Variants in ADGRL2 observed in about 807,000 individuals in gnomAD.
The protein encoded by ADGRL2 is adhesion G protein-coupled receptor L2, also known as calcium-independent alpha-latrotoxin receptor 2.
In ADGRL2, 44 loss-of-function variants were observed where a neutral mutation model predicts 157.4. The observed-to-expected ratio is 0.28, with a 90% CI of 0.22 to 0.36. The LOEUF is 0.36. ADGRL2 is among the 10% of genes least tolerant of loss of function. The pLI, the probability that ADGRL2 is intolerant of heterozygous loss-of-function variation, is 1.00. For missense variants in ADGRL2, 1,510 were observed against 1,768.9 expected (o/e 0.85, Z 2.63); for synonymous variants, 585 against 624.7 (o/e 0.94, Z 0.95).
At chr1:81,597,436 TA>T (rs2081257293) in intron 3 of ADGRL2, among the ~76,000 whole-genome samples, 1 of 152,188 alleles carries the variant, frequency 6.6e-6, no homozygotes, top group Non-Finnish European at 1.5e-5. Flanking sequence ...AATTAAAGTT[TA>T]AAAAACACAA....
chr1:81,424,310 G>A (rs532587027), intron 1 of ADGRL2, among the ~76,000 whole-genome samples: 12 of 152,180 alleles, frequency 7.9e-5, no homozygotes, highest in African/African-American at 1.4e-4. Flanking sequence ...GTGCACAGCC[G>A]TCAGACACAG....
intron 2 of ADGRL2, among the ~76,000 whole-genome samples, chr1:81,889,162 G>A (rs1278608760): frequency 2.0e-5 from 3 of 152,120 alleles, no homozygotes; most frequent in Admixed American, 2.0e-4. Context: ...ATGAAAAGTT[G>A]CACATTTCTT....
At chr1:81,980,494 A>G (rs1482083402) in intron 18 of ADGRL2, among the ~76,000 whole-genome samples, 2 of 151,814 alleles carry the variant, frequency 1.3e-5, no homozygotes, top group African/African-American at 4.8e-5. Context: ...AACAAATGAT[A>G]GCTGTTGTTC....
chr1:81,570,934 A>G (rs1213821309), intron 2 of ADGRL2, among the ~76,000 whole-genome samples: 1 of 152,180 alleles, frequency 6.6e-6, no homozygotes, highest in African/African-American at 2.4e-5. Flanking sequence ...CCCTGTTGCA[A>G]CTACCTAACT....
At chr1:81,309,786 G>C (rs1659613610) in intron 1 of ADGRL2, among the ~76,000 whole-genome samples, 1 of 152,074 alleles carries the variant, frequency 6.6e-6, no homozygotes, top group Non-Finnish European at 1.5e-5. Flanking sequence ...CCTTTGAAGA[G>C]CCACCACTCC....
chr1:81,960,921 A>G (rs1448982351), intron 11 of ADGRL2, among the ~76,000 whole-genome samples: 1 of 152,178 alleles, frequency 6.6e-6, no homozygotes, highest in East Asian at 1.9e-4. Flanking sequence ...TTGAGGCTGG[A>G]CTTCAGCTCT....
intron 1 of ADGRL2, among the ~76,000 whole-genome samples, chr1:81,828,711 A>G (rs192584181): frequency 2.0e-5 from 3 of 152,268 alleles, no homozygotes; most frequent in African/African-American, 7.2e-5. Flanking sequence ...GCTCTTTTCT[A>G]AAAACCACAT....
At chr1:81,468,575 T>C (rs531099641) in intron 2 of ADGRL2, among the ~76,000 whole-genome samples, 3 of 152,302 alleles carry the variant, frequency 2.0e-5, no homozygotes, top group Admixed American at 1.3e-4. Context: ...AAACGTATTA[T>C]TTGAAGTCAC....
upstream of ADGRL2, among the ~76,000 whole-genome samples, chr1:81,697,433 C>T (rs545026328): frequency 2.3e-3 from 356 of 152,246 alleles, no homozygotes; most frequent in Admixed American, 3.7e-3. Flanking sequence ...GTCTCTGAGA[C>T]ATGCACTAGC....
Position 81,763,497 on chromosome 1 carries a change from G to A in ADGRL2, c.-101+1645G>A, listed in dbSNP as rs191994382. On this transcript the variant is annotated intron_variant, in intron 2 of 20. Coordinates refer to the ADGRL2 transcript ENST00000359929. ...CCAGCTACTTGGGAGGCTGAGGCAA[G>A]ACAATCGTTTGAACCCAGGAGGCGG... Among the ~76,000 whole-genome samples the A allele has an allele frequency of 3.2e-3, 481 of 149,736 alleles. 2 individuals are homozygous for A. The highest frequency in any genetic ancestry group is 0.011 in the African/African-American group (461 of 40,778).
At position 81,891,206 on chromosome 1, in the gene ADGRL2, T is replaced by G. The variant is rs372225295; in HGVS notation, c.74-15811T>G. Among the ~76,000 whole-genome samples the G allele has an allele frequency of 6.6e-5, 10 of 151,774 alleles. No individual in the cohort carries two copies. In the South Asian group the frequency reaches 1.5e-3, roughly 22 times the overall value. On this transcript the variant is annotated intron_variant, in intron 2 of 23. Coordinates refer to ENST00000686636, the MANE Select transcript of ADGRL2 (RefSeq NM_001366006.2). ...ATTTATTTTTACTGTATTTATATTA[T>G]TTAACGTTATATTGTTTTTTATTCT... is the stretch of plus-strand genomic sequence containing the variant.
intron 1 of ADGRL2, among the ~76,000 whole-genome samples, chr1:81,747,768 A>C (rs78057157): frequency 2.0e-5 from 3 of 151,840 alleles, no homozygotes; most frequent in African/African-American, 7.2e-5. Context: ...AGTGAGAAAG[A>C]GACAAAGTAT....
At chr1:81,308,718 A>T (rs79001464) in intron 1 of ADGRL2, among the ~76,000 whole-genome samples, 3,126 of 152,268 alleles carry the variant, frequency 0.021, 111 homozygotes, top group African/African-American at 0.071. Flanking sequence ...AGACTTTCGC[A>T]TTTGTTTGCA....
chr1:81,510,240 A>G (rs1253029729), intron 2 of ADGRL2, among the ~76,000 whole-genome samples: 3 of 152,156 alleles, frequency 2.0e-5, no homozygotes, highest in African/African-American at 7.2e-5. Flanking sequence ...ATAATGTGAA[A>G]ACTGAATATA....
intron 1 of ADGRL2, among the ~76,000 whole-genome samples, chr1:81,388,590 G>T (rs139971622): frequency 8.1e-4 from 123 of 152,210 alleles, no homozygotes; most frequent in Middle Eastern, 6.8e-3. Context: ...GACTTGGGAG[G>T]TGATGAGTGA....
intron 1 of ADGRL2, among the ~76,000 whole-genome samples, chr1:81,339,764 C>T (rs1182808509): frequency 6.6e-6 from 1 of 152,132 alleles, no homozygotes; most frequent in African/African-American, 2.4e-5. Context: ...GGAATTTATC[C>T]TTCTCCATAC....
chr1:81,835,337 A>G (rs1251641101), intron 1 of ADGRL2, among the ~76,000 whole-genome samples: 2 of 152,182 alleles, frequency 1.3e-5, no homozygotes, highest in Admixed American at 1.3e-4. Flanking sequence ...AACAGACTGT[A>G]AGAATATAAG....
At chr1:81,532,960 C>G (rs1185858242) in intron 2 of ADGRL2, among the ~76,000 whole-genome samples, 4 of 149,286 alleles carry the variant, frequency 2.7e-5, no homozygotes. Context: ...ATCTATCTAT[C>G]TATCTATCTA....
intron 2 of ADGRL2, among the ~76,000 whole-genome samples, chr1:81,795,196 T>A: frequency 6.6e-6 from 1 of 151,982 alleles, no homozygotes; most frequent in Middle Eastern, 3.4e-3. Context: ...CTGGGCAACA[T>A]AGGGAGACCC....
Sources: allele counts gnomAD v4.1 joint callset (sites outside exome capture counted in the v4.1 genomes callset), GRCh38; gene constraint gnomAD v4.1.1; transcripts MANE v1.5; gene names NCBI Gene and HGNC (gene_info 2026-07-23, HGNC 2026-07-21).